Variants in PID1 observed in about 807,000 individuals in gnomAD.
PID1 encodes phosphotyrosine interaction domain containing 1, also known as PTB-containing, cubilin and LRP1-interacting protein.
Under a neutral mutation model 19.1 loss-of-function variants are expected in PID1, and 10 were observed. The observed-to-expected ratio is 0.52, with a 90% CI of 0.32 to 0.89. The LOEUF (loss-of-function observed/expected upper bound fraction) is 0.89. Ranked by LOEUF, PID1 falls within the 40% of genes least tolerant of loss-of-function variation. The pLI is 0.03. For missense variants in PID1, 248 were observed against 285.3 expected (o/e 0.87, Z 0.94); for synonymous variants, 130 against 116.0 (o/e 1.12, Z -0.78).
At chr2:229,170,282 T>C (rs921454752) in intron 1 of PID1, among the ~76,000 whole-genome samples, 10 of 152,190 alleles carry the variant, frequency 6.6e-5, no homozygotes, top group African/African-American at 2.4e-4. Flanking sequence ...ATCAACTGTC[T>C]GGTACTTTAC....
At chr2:229,262,975 A>G in intron 1 of PID1, 1 of 1,282,336 alleles carries the variant, frequency 7.8e-7, no homozygotes, top group South Asian at 2.0e-5. Context: ...ATCTGCACAA[A>G]CCTTATTTCC....
chr2:229,113,479 T>C (rs1296356178), intron 2 of PID1, among the ~76,000 whole-genome samples: 1 of 136,052 alleles, frequency 7.4e-6, no homozygotes, highest in Non-Finnish European at 1.5e-5. Context: ...TATGTGTGTA[T>C]ATATATATAC....
Position 229,024,610 on chromosome 2 carries a change from T to C in PID1, c.*1022A>G, listed in dbSNP as rs183072995. The C allele has an allele frequency of 1.2e-4, 18 of 152,790 alleles. No individual in the cohort carries two copies. The highest frequency in any genetic ancestry group is 4.1e-4 in the African/African-American group (17 of 41,580). The allele number at this position is 152,790 out of a possible 1,614,324, so 9.5% of individuals were successfully genotyped here. On this transcript the variant is annotated 3_prime_UTR_variant, in exon 3 of 3. Transcript: ENST00000392055. The stretch of plus-strand genomic sequence containing the variant: ...CTCATTCTGTATCTAAGTGCAATGC[T>C]GAGTGATGGGGGCAAGGTTTCCTCG...
At chr2:229,229,973 T>C (rs1436519036) in intron 1 of PID1, among the ~76,000 whole-genome samples, 1 of 152,218 alleles carries the variant, frequency 6.6e-6, no homozygotes, top group Non-Finnish European at 1.5e-5. Flanking sequence ...AGTTCTTCTA[T>C]TTGCACATAT....
At chr2:229,187,572 G>C (rs6705142) in intron 1 of PID1, among the ~76,000 whole-genome samples, 151,984 of 152,296 alleles carry the variant, frequency 1, 75,839 homozygotes, top group Non-Finnish European at 1. Context: ...GACCAGCCAC[G>C]ATGATTTAAT....
chr2:229,102,712 G>A (rs1695098956), intron 2 of PID1, among the ~76,000 whole-genome samples: 1 of 152,126 alleles, frequency 6.6e-6, no homozygotes, highest in South Asian at 2.1e-4. Flanking sequence ...TGTTATAGAT[G>A]GCAACTGTCC....
At chr2:229,146,836 C>A (rs1690145952) in intron 2 of PID1, among the ~76,000 whole-genome samples, 1 of 152,074 alleles carries the variant, frequency 6.6e-6, no homozygotes, top group Non-Finnish European at 1.5e-5. Context: ...GACCACCATG[C>A]AGAGATTGCA....
At position 229,254,934 on chromosome 2, in the gene PID1, C is replaced by G. The variant is rs917315694; in HGVS notation, c.30+16080G>C. Among the ~76,000 whole-genome samples the G allele has an allele frequency of 3.9e-5, 6 of 152,310 alleles. No homozygotes were observed. In the South Asian group the frequency reaches 1.2e-3, roughly 32 times the overall value. Reference sequence around the variant, plus strand: ...AAATAATAAGCTTCTGCAGCAGAAACTATTTCAGATGAATTTCTGGGTTTA... The same window carrying G: ...AAATAATAAGCTTCTGCAGCAGAAAGTATTTCAGATGAATTTCTGGGTTTA... On this transcript the variant is annotated intron_variant, in intron 1 of 2. Transcript: ENST00000392055.
chr2:229,243,757 T>A lies in PID1; in HGVS notation c.30+27257A>T, dbSNP rs1319216677. Among the ~76,000 whole-genome samples the A allele has an allele frequency of 2.0e-5, 3 of 152,154 alleles. No homozygotes were observed. The East Asian group carries it at 5.8e-4, about 29-fold the overall frequency. On this transcript the variant is annotated intron_variant, in intron 1 of 2. Transcript: ENST00000392055. ...TAAAACAATAAATAAGGAGGCTTAGTATTAATCTCAATCATCTTTATCTGT... is the reference window on the plus strand; with the variant it reads ...TAAAACAATAAATAAGGAGGCTTAGAATTAATCTCAATCATCTTTATCTGT...
chr2:229,228,911 A>T (rs1306682621), intron 1 of PID1, among the ~76,000 whole-genome samples: 1 of 152,202 alleles, frequency 6.6e-6, no homozygotes, highest in Admixed American at 6.5e-5. Context: ...CTCCCTGAGG[A>T]GAGAACATAT....
intron 1 of PID1, among the ~76,000 whole-genome samples, chr2:229,223,278 A>G (rs1364616740): frequency 6.6e-6 from 1 of 152,160 alleles, no homozygotes; most frequent in African/African-American, 2.4e-5. Flanking sequence ...GCAAAATGCT[A>G]TCTCATCATT....
chr2:229,056,825 T>C (rs556108629), intron 2 of PID1, among the ~76,000 whole-genome samples: 2 of 152,082 alleles, frequency 1.3e-5, no homozygotes, highest in Non-Finnish European at 2.9e-5. Context: ...TCTAATACAC[T>C]CTAATAGTAG....
At chr2:229,236,987 TACACACACACACACAC>T (rs201772514) in intron 1 of PID1, among the ~76,000 whole-genome samples, 2 of 107,780 alleles carry the variant, frequency 1.9e-5, no homozygotes, top group African/African-American at 3.6e-5. Flanking sequence ...TACACACACA[TACACACACACACACAC>T]ACACACACAC....
chr2:229,252,434 C>T (rs767631180), intron 1 of PID1, among the ~76,000 whole-genome samples: 5 of 152,138 alleles, frequency 3.3e-5, no homozygotes, highest in East Asian at 1.9e-4. Flanking sequence ...ACTCCTAGGA[C>T]GTGCCAGCAC....
intron 1 of PID1, among the ~76,000 whole-genome samples, chr2:229,225,030 A>G (rs1202508112): frequency 6.6e-6 from 1 of 152,130 alleles, no homozygotes; most frequent in Non-Finnish European, 1.5e-5. Context: ...TCTTCCCATT[A>G]CTATGACTAT....
At chr2:229,224,637 T>C (rs1574737124) in intron 1 of PID1, among the ~76,000 whole-genome samples, 1 of 152,144 alleles carries the variant, frequency 6.6e-6, no homozygotes, top group South Asian at 2.1e-4. Flanking sequence ...TTGGTAGGCT[T>C]TTCAAAATGG....
intron 2 of PID1, among the ~76,000 whole-genome samples, chr2:229,109,618 C>A (rs1301936061): frequency 6.6e-6 from 1 of 152,202 alleles, no homozygotes; most frequent in Non-Finnish European, 1.5e-5. Flanking sequence ...TAAGGGAGGG[C>A]CAGTAGAGCA....
intron 1 of PID1, among the ~76,000 whole-genome samples, chr2:229,230,857 T>A (rs1692190585): frequency 6.6e-6 from 1 of 152,164 alleles, no homozygotes; most frequent in Non-Finnish European, 1.5e-5. Context: ...AAACACAATA[T>A]AAAATATAGA....
intron 2 of PID1, among the ~76,000 whole-genome samples, chr2:229,116,754 G>A (rs1695418114): frequency 6.6e-6 from 1 of 152,016 alleles, no homozygotes; most frequent in Admixed American, 6.6e-5. Context: ...CCCAGTCTTG[G>A]GTATGTCTTT....
Sources: allele counts gnomAD v4.1 joint callset (sites outside exome capture counted in the v4.1 genomes callset), GRCh38; gene constraint gnomAD v4.1.1; transcripts MANE v1.5; gene names NCBI Gene and HGNC (gene_info 2026-07-23, HGNC 2026-07-21).